The following HEATR4 variants were observed in gnomAD, a reference collection of about 807,000 sequenced individuals.
HEATR4 encodes HEAT repeat containing 4.
In HEATR4, 95 loss-of-function variants were observed where a neutral mutation model predicts 108.8. That is an observed-to-expected ratio of 0.87 (90% confidence interval 0.74 to 1.04). HEATR4 has a LOEUF of 1.04. HEATR4 is among the 50% of genes least tolerant of loss of function. The probability of loss-of-function intolerance (pLI) is 0.00; values close to 1 mark genes in which losing one functional copy is unlikely to be tolerated. For synonymous variants in HEATR4, 443 were observed against 459.4 expected (o/e 0.96, Z 0.46); for missense variants, 1,152 against 1,253.8 (o/e 0.92, Z 1.23).
chr14:73,509,876 ATTTT>A (rs1887130724), intron 7 of HEATR4, among the ~76,000 whole-genome samples: 1 of 82,292 alleles, frequency 1.2e-5, no homozygotes, highest in Admixed American at 1.5e-4. Context: ...ATATTTATTT[ATTTT>A]ATATATTTTT....
In HEATR4 at chr14:73,512,133, A is replaced by G; in HGVS notation, c.1431T>C (p.His477=). The G allele has an allele frequency of 6.2e-7, 1 of 1,614,002 alleles. No individual in the cohort carries two copies. Among genetic ancestry groups the G allele is most frequent in the Non-Finnish European group, 8.5e-7 (1 of 1,179,892 alleles). Residue 477 remains histidine, a synonymous_variant, in exon 7 of 18, where the codon CAT becomes CAC. Transcript: ENST00000553558. ...TAWALIIEWH[H]ETVENLLQSL... ...TCTGAAGCAGGTTCTCTACTGTCTCATGGTGCCACTCTATGACTGAGCCGC... is the reference window on the plus strand; with the variant it reads ...TCTGAAGCAGGTTCTCTACTGTCTCGTGGTGCCACTCTATGACTGAGCCGC...
chr14:73,564,577 G>A, the HEATR4 span, among the ~76,000 whole-genome samples: 1 of 151,938 alleles, frequency 6.6e-6, no homozygotes, highest in African/African-American at 2.4e-5. Context: ...CTGCACTCCA[G>A]CCTGGGTAAC....
In HEATR4 at chr14:73,506,804, GTTTTTTTT is replaced by G. The variant is rs34660727; in HGVS notation, c.1882-241_1882-234del. The stretch of plus-strand genomic sequence containing the variant: ...GGACCTTCCTTTCCTGACTTTAACT[GTTTTTTTT>G]TTTTTTTTTTTTTCTGAGAAGGTTG... On this transcript the variant is annotated intron_variant, in intron 9 of 17. Transcript: ENST00000553558. 3.2e-4 allele frequency among the ~76,000 whole-genome samples: 26 copies of G among 80,494 alleles called. 1 individual carries two copies. The highest frequency in any genetic ancestry group is 2.3e-3 in the South Asian group (6 of 2,576). The allele number at this position is 80,494 out of a possible 152,430, so 52.8% of individuals were successfully genotyped here. A position where few individuals can be genotyped will look rare whatever the true frequency, so the allele number is the denominator to read the frequency against.
intron 11 of HEATR4, among the ~76,000 whole-genome samples, chr14:73,501,348 A>G (rs1403249715): frequency 6.6e-6 from 1 of 151,884 alleles, no homozygotes; most frequent in Non-Finnish European, 1.5e-5. Context: ...GATGGTCTTG[A>G]TCTCCTGACC....
At position 73,496,649 on chromosome 14, in the gene HEATR4, G is replaced by A. The variant is rs777014455; in HGVS notation, c.2577C>T (p.Asn859=). Residue 859 remains asparagine (N), a synonymous_variant, in exon 15 of 18, where the codon AAC becomes AAT. Coordinates refer to ENST00000553558, the MANE Select transcript of HEATR4 (RefSeq NM_001220484.1). ...TTTCTTGGTTTCCTTCATTTCCTAA[G>A]TTGAGTATCTTCATTGTCTGGTACA... is the stretch of plus-strand genomic sequence containing the variant. ...KEMYQTMKIL[N]LGNEGNQEML... 1.3e-6 allele frequency: 2 copies of A among 1,595,552 alleles called. No individual in the cohort carries two copies. The highest frequency in any genetic ancestry group is 1.7e-5 in the Admixed American group (1 of 59,970).
chr14:73,620,079 T>C, the HEATR4 span, among the ~76,000 whole-genome samples: 2 of 152,038 alleles, frequency 1.3e-5, no homozygotes, highest in Non-Finnish European at 2.9e-5. Context: ...ACCCAGCTAA[T>C]TTTTGTATTT....
At chr14:73,522,120 C>T (rs1264055008) in intron 3 of HEATR4, 152 bp downstream of exon 3, 5 of 839,226 alleles carry the variant, frequency 6.0e-6, no homozygotes, top group Non-Finnish European at 9.5e-6. Context: ...AGAAACCTTA[C>T]TTTGCAGAGC....
chr14:73,580,813 G>A, the HEATR4 span: 1 of 151,982 alleles, frequency 6.6e-6, no homozygotes, highest in Non-Finnish European at 1.5e-5. Context: ...AAGAAAGGGC[G>A]TGGAGGTTCA....
At chr14:73,508,025 C>T (rs557361424) in intron 9 of HEATR4, 109 bp downstream of exon 9, 3 of 1,036,290 alleles carry the variant, frequency 2.9e-6, no homozygotes, top group African/African-American at 3.1e-5. Context: ...GGATTACAGG[C>T]ATAAGCCACT....
intron 11 of HEATR4, 114 bp downstream of exon 11, chr14:73,502,781 T>C (rs1288760190): frequency 4.0e-6 from 3 of 752,548 alleles, no homozygotes; most frequent in Non-Finnish European, 7.1e-6. Flanking sequence ...TCTCCTGACC[T>C]CGTGATCCGC....
At chr14:73,569,455 C>T in the HEATR4 span, 1 of 1,613,564 alleles carries the variant, frequency 6.2e-7, no homozygotes, top group Non-Finnish European at 8.5e-7. Context: ...CTGGAGCCTG[C>T]GGGCCGCTGC....
chr14:73,592,290 G>C, the HEATR4 span: 1 of 1,611,614 alleles, frequency 6.2e-7, no homozygotes, highest in Non-Finnish European at 8.5e-7. Flanking sequence ...GGTGCTGGAC[G>C]GCCACGACCC....
At chr14:73,607,825 T>C in the HEATR4 span, among the ~76,000 whole-genome samples, 1 of 151,976 alleles carries the variant, frequency 6.6e-6, no homozygotes, top group East Asian at 1.9e-4. Flanking sequence ...GGTTTCACCA[T>C]GTTTGCCAGG....
rs1362587231 is a variant in HEATR4 at position 73,554,080 on chromosome 14, C to T, written c.-152+4671G>A. Among the ~76,000 whole-genome samples, 9 of 114,236 alleles carry T rather than the reference C, an allele frequency of 7.9e-5. 3 individuals carry two copies. Among genetic ancestry groups the T allele is most frequent in the Non-Finnish European group, 1.2e-4 (6 of 52,000 alleles). 74.9% of individuals were successfully genotyped at this position (114,236 alleles called of 152,430 possible). ...CATGTAATCACGGCACTTCGGGAGC[C>T]CAAGGCAGGCAGATCACTAGAGACC... On this transcript the variant is annotated intron_variant, in intron 1 of 17. Transcript: ENST00000553558.
At position 73,492,410 on chromosome 14, in the gene HEATR4, C is replaced by T. The variant is rs900665392; in HGVS notation, c.2844+656G>A. 1 of 1,613,796 alleles carries T rather than the reference C, an allele frequency of 6.2e-7. No individual in the cohort carries two copies. Among genetic ancestry groups the T allele is most frequent in the Non-Finnish European group, 8.5e-7 (1 of 1,179,754 alleles). ...AGACTTCATGGATTACATGGGGGCC[C>T]AGCATTCAGATTCTAAGGATCCGCG... On this transcript the variant is annotated intron_variant, in intron 17 of 17. Transcript: ENST00000553558. The surrounding 1 kb of genome is among the most constrained non-coding windows in gnomAD (Gnocchi z 4.9).
At chr14:73,494,855 C>T (rs1280821500) in intron 16 of HEATR4, among the ~76,000 whole-genome samples, 3 of 151,926 alleles carry the variant, frequency 2.0e-5, no homozygotes, top group Non-Finnish European at 4.4e-5. Context: ...GCCACCACGC[C>T]CAACCACCAA....
the HEATR4 span, chr14:73,612,704 C>G: frequency 7.2e-7 from 1 of 1,396,120 alleles, no homozygotes; most frequent in Non-Finnish European, 9.2e-7. Context: ...AGAGGGCGCG[C>G]TCTTCCGGGC....
chr14:73,570,949 CTTAT>C, the HEATR4 span, among the ~76,000 whole-genome samples: 2 of 144,238 alleles, frequency 1.4e-5, no homozygotes, highest in South Asian at 2.2e-4. Context: ...TTTTAATGTT[CTTAT>C]TTATGTATTG....
chr14:73,629,746 G>C, the HEATR4 span, among the ~76,000 whole-genome samples: 2 of 151,496 alleles, frequency 1.3e-5, no homozygotes, highest in African/African-American at 2.4e-5. Flanking sequence ...CCGGGTTCAC[G>C]CCATTCTCCT....
Sources: allele counts gnomAD v4.1 joint callset (sites outside exome capture counted in the v4.1 genomes callset), GRCh38; gene constraint gnomAD v4.1.1; non-coding constraint Gnocchi (gnomAD v3.1); transcripts MANE v1.5; gene names NCBI Gene and HGNC (gene_info 2026-07-23, HGNC 2026-07-21).